Variants in NR3C2 observed in about 807,000 individuals in gnomAD.
NR3C2 encodes nuclear receptor subfamily 3 group C member 2, also known as mineralocorticoid receptor.
A neutral mutation model predicts 86.4 loss-of-function variants in NR3C2; 15 were observed. The ratio of observed to expected loss-of-function variants is 0.17; its 90% CI spans 0.12 to 0.27. The LOEUF is 0.27. NR3C2 is among the 10% of genes least tolerant of loss of function. The pLI is 1.00. For missense variants in NR3C2, 960 were observed against 1,195.6 expected (o/e 0.80, Z 2.91); for synonymous variants, 458 against 450.5 (o/e 1.02, Z -0.21).
intron 2 of NR3C2, among the ~76,000 whole-genome samples, chr4:148,331,312 A>G (rs142182153): frequency 0.01 from 1,525 of 152,318 alleles, 9 homozygotes; most frequent in Non-Finnish European, 0.016. Context: ...ATGAAAAAAG[A>G]TTTCCCAAGC....
intron 8 of NR3C2, among the ~76,000 whole-genome samples, chr4:148,092,216 C>T (rs545301264): frequency 9.8e-5 from 15 of 152,358 alleles, no homozygotes; most frequent in African/African-American, 3.6e-4. Context: ...GGAGTTCTTT[C>T]TGGACTCTCA....
chr4:148,393,153 T>A (rs1747678008), intron 2 of NR3C2, among the ~76,000 whole-genome samples: 1 of 152,232 alleles, frequency 6.6e-6, no homozygotes, highest in Non-Finnish European at 1.5e-5. Flanking sequence ...CTTTGTTTCA[T>A]CACATGCTTT....
intron 2 of NR3C2, among the ~76,000 whole-genome samples, chr4:148,402,295 G>A (rs1466302972): frequency 6.6e-6 from 1 of 152,202 alleles, no homozygotes; most frequent in East Asian, 1.9e-4. Flanking sequence ...AGTAGGGGAA[G>A]GAGGAGAAGC....
intron 1 of NR3C2, among the ~76,000 whole-genome samples, chr4:148,440,768 G>C (rs1750299336): frequency 6.6e-6 from 1 of 152,104 alleles, no homozygotes; most frequent in African/African-American, 2.4e-5. Flanking sequence ...GTGTTAAATT[G>C]CCCTTTTCCA....
intron 6 of NR3C2, among the ~76,000 whole-genome samples, chr4:148,143,227 T>C (rs1438491617): frequency 2.6e-5 from 4 of 152,158 alleles, no homozygotes; most frequent in Admixed American, 6.5e-5. Flanking sequence ...AAGAAGGAGT[T>C]TGGATCCTCA....
chr4:148,114,194 C>T lies in NR3C2; in HGVS notation c.2709G>A (p.Leu903=), dbSNP rs763354755. 3 of 1,613,918 alleles carry T rather than the reference C, an allele frequency of 1.9e-6. No homozygotes were observed. In the South Asian group the frequency reaches 3.3e-5, roughly 18 times the overall value. ...TGGGACACTTAGTTACCATCTTCCT[C>T]AGTTCTTTGATGTAATTTGTCCTCA... is the stretch of plus-strand genomic sequence containing the variant. ...EEMRTNYIKE[L]RKMVTKCPNN... Residue 903 remains leucine, a synonymous_variant, in exon 8 of 9, where the codon CTG becomes CTA. Coordinates refer to ENST00000358102, the MANE Select transcript of NR3C2 (RefSeq NM_000901.5).
chr4:148,163,742 G>A (rs1734764775), intron 4 of NR3C2, among the ~76,000 whole-genome samples: 1 of 152,096 alleles, frequency 6.6e-6, no homozygotes, highest in African/African-American at 2.4e-5. Flanking sequence ...CTACATTAAT[G>A]GAGAATCTAT....
intron 3 of NR3C2, among the ~76,000 whole-genome samples, chr4:148,221,167 A>G (rs1737820997): frequency 6.6e-6 from 1 of 152,226 alleles, no homozygotes; most frequent in African/African-American, 2.4e-5. Flanking sequence ...TTGCTCATCT[A>G]TCTCCTGGGA....
At chr4:148,263,026 C>T (rs2149875375) in intron 2 of NR3C2, among the ~76,000 whole-genome samples, 1 of 152,254 alleles carries the variant, frequency 6.6e-6, no homozygotes, top group African/African-American at 2.4e-5. Context: ...TTGCTCTGTT[C>T]CCTGCCACCA....
intron 2 of NR3C2, among the ~76,000 whole-genome samples, chr4:148,384,475 G>GT (rs139815137): frequency 0.23 from 34,252 of 151,278 alleles, 3,989 homozygotes; most frequent in African/African-American, 0.25. Context: ...ATAAGAATTT[G>GT]TTTTTTTTCA....
chr4:148,176,449 G>A (rs1735377568), intron 4 of NR3C2, among the ~76,000 whole-genome samples: 3 of 152,224 alleles, frequency 2.0e-5, no homozygotes, highest in Admixed American at 6.5e-5. Flanking sequence ...ATGTACAAAG[G>A]GAGCATCTGG....
At chr4:148,298,215 T>C (rs1742159151) in intron 2 of NR3C2, among the ~76,000 whole-genome samples, 2 of 152,370 alleles carry the variant, frequency 1.3e-5, no homozygotes, top group African/African-American at 4.8e-5. Flanking sequence ...TGGAATATTA[T>C]GCAGCAATAA....
chr4:148,315,431 C>T (rs1253510784), intron 2 of NR3C2, among the ~76,000 whole-genome samples: 2 of 152,110 alleles, frequency 1.3e-5, no homozygotes, highest in Admixed American at 6.5e-5. Context: ...AACTCTGAAC[C>T]CCTCACTCTC....
chr4:148,192,433 C>T (rs747443353), intron 4 of NR3C2, among the ~76,000 whole-genome samples: 12 of 152,174 alleles, frequency 7.9e-5, no homozygotes, highest in South Asian at 2.1e-4. Flanking sequence ...GGTGGTTTAA[C>T]GCTCTATTTT....
intron 2 of NR3C2, among the ~76,000 whole-genome samples, chr4:148,309,532 G>A (rs534597094): frequency 6.6e-6 from 1 of 151,586 alleles, no homozygotes; most frequent in South Asian, 2.1e-4. Context: ...AGACACACAT[G>A]CACATGGATA....
chr4:148,254,967 G>A (rs1044667093), intron 3 of NR3C2, among the ~76,000 whole-genome samples: 2 of 152,078 alleles, frequency 1.3e-5, no homozygotes, highest in Non-Finnish European at 2.9e-5. Context: ...GCTATAAGGA[G>A]ATAGCTATAT....
chr4:148,250,918 G>T (rs1270621458), intron 3 of NR3C2, among the ~76,000 whole-genome samples: 1 of 152,030 alleles, frequency 6.6e-6, no homozygotes, highest in East Asian at 1.9e-4. Flanking sequence ...GGTGTCCTCA[G>T]CCTCCAGTCT....
chr4:148,157,048 C>T (rs1734426425), intron 4 of NR3C2, among the ~76,000 whole-genome samples: 1 of 150,080 alleles, frequency 6.7e-6, no homozygotes, highest in African/African-American at 2.5e-5. Flanking sequence ...AGTAAACTAT[C>T]ACAAGGACAA....
intron 6 of NR3C2, among the ~76,000 whole-genome samples, chr4:148,151,242 A>C (rs950126281): frequency 2.1e-5 from 3 of 140,394 alleles, no homozygotes; most frequent in African/African-American, 8.1e-5. Flanking sequence ...TGAGGGCATT[A>C]ATAGAGATTC....
Sources: allele counts gnomAD v4.1 joint callset (sites outside exome capture counted in the v4.1 genomes callset), GRCh38; gene constraint gnomAD v4.1.1; transcripts MANE v1.5; gene names NCBI Gene and HGNC (gene_info 2026-07-23, HGNC 2026-07-21).